Variants in CELSR2 observed in about 807,000 individuals in gnomAD.
CELSR2 encodes EGF-like protein 2.
In CELSR2, 81 loss-of-function variants were observed where a neutral mutation model predicts 251.6. The observed-to-expected ratio is 0.32, with a 90% CI of 0.27 to 0.39. The LOEUF (loss-of-function observed/expected upper bound fraction) is 0.39, where lower values mean the gene tolerates loss of function less well. CELSR2 is among the 10% of genes least tolerant of loss of function. The pLI is 1.00. For synonymous variants in CELSR2, 1,721 were observed against 1,670.5 expected (o/e 1.03, Z -0.74); for missense variants, 3,365 against 3,947.7 (o/e 0.85, Z 3.96).
Position 109,250,540 on chromosome 1 carries a change from C to T in CELSR2, c.461C>T (p.Pro154Leu), listed in dbSNP as rs1655655547. 1.2e-6 allele frequency: 2 copies of T among 1,613,834 alleles called. No individual in the cohort carries two copies. The highest frequency in any genetic ancestry group is 1.3e-5 in the African/African-American group (1 of 74,940). The change falls in exon 1 of 34, where the codon CCC becomes CTC. Residue 154 changes from proline to leucine, a missense_variant. Coordinates refer to ENST00000271332, the MANE Select transcript of CELSR2 (RefSeq NM_001408.3). The surrounding 1 kb of genome is among the most constrained non-coding windows in gnomAD (Gnocchi z 4.4). ...RCQSCKLAQA[P>L]GLRAGERSPE... Reference sequence around the variant, plus strand: ...CAGTCCTGCAAGCTGGCACAGGCCCCCGGGCTCAGGGCAGGGGAAAGGTCA... The same window carrying T: ...CAGTCCTGCAAGCTGGCACAGGCCCTCGGGCTCAGGGCAGGGGAAAGGTCA...
chr1:109,269,669 C>T lies in CELSR2; in HGVS notation c.6981-25C>T, dbSNP rs1656312936. On this transcript the variant is annotated intron_variant, in intron 21 of 33. Coordinates refer to ENST00000271332, the MANE Select transcript of CELSR2 (RefSeq NM_001408.3). The surrounding 1 kb of genome is among the most constrained non-coding windows in gnomAD (Gnocchi z 6.4). ...CCTGCATGCCTCACCCTCCTTGTCT[C>T]CCTGACCCTGCCTTCCTCACACAGG... The T allele has an allele frequency of 5.6e-6, 9 of 1,614,082 alleles. No individual in the cohort carries two copies. The highest frequency in any genetic ancestry group is 7.6e-6 in the Non-Finnish European group (9 of 1,179,978).
intron 28 of CELSR2, among the ~76,000 whole-genome samples, chr1:109,272,001 A>G (rs1656384284): frequency 1.3e-5 from 2 of 152,162 alleles, no homozygotes; most frequent in Middle Eastern, 3.2e-3. Flanking sequence ...CTGTCTCCCA[A>G]GGTGCTCTCA....
chr1:109,263,039 G>T, intron 7 of CELSR2, 70 bp downstream of exon 7: 1 of 1,589,148 alleles, frequency 6.3e-7, no homozygotes, highest in South Asian at 1.1e-5. Flanking sequence ...CTGGTGTGAG[G>T]ATGCCAGAAT....
chr1:109,250,351 G>A lies in CELSR2; in HGVS notation c.272G>A (p.Arg91Lys), dbSNP rs112983744. The change falls in exon 1 of 34, where the codon AGG (arginine) becomes AAG (lysine). Residue 91 changes from arginine to lysine, a missense_variant. By Grantham distance (26) the Arg-to-Lys change is conservative (BLOSUM62 2). Coordinates refer to ENST00000271332, the MANE Select transcript of CELSR2 (RefSeq NM_001408.3). The surrounding 1 kb of genome is among the most constrained non-coding windows in gnomAD (Gnocchi z 4.4). ...GHLVPHHDGLRVWCPESEAHI... is the reference protein window; with the variant it reads ...GHLVPHHDGLKVWCPESEAHI... ...CTGGTACCCCACCACGATGGCCTGA[G>A]GGTTTGGTGTCCAGAATCCGAGGCC... 1.6e-3 allele frequency: 2,614 copies of A among 1,613,482 alleles called. 30 individuals carry two copies. In the African/African-American group the frequency reaches 0.031, roughly 19 times the overall value.
Position 109,271,217 on chromosome 1 carries a change from A to G in CELSR2, c.7597A>G (p.Met2533Val), listed in dbSNP as rs899190908. 6.2e-7 allele frequency: 1 copy of G among 1,613,732 alleles called. No individual in the cohort carries two copies. The highest frequency in any genetic ancestry group is 8.5e-7 in the Non-Finnish European group (1 of 1,179,876). ...FAGPVAFAVS[M>V]SVFLYILAAR... ...CCCCATGCCCTCTGCCCCTGCCTAG[A>G]TGAGTGTCTTCCTGTACATCCTGGC... The change falls in exon 26 of 34, where the codon ATG becomes GTG. Residue 2533 changes from methionine to valine, a missense_variant and splice_region_variant. Around this residue, in one of 5 missense-constraint regions of CELSR2, gnomAD observed 2,093 missense variants for 2,382.8 expected, o/e 0.88. Transcript: ENST00000271332.
chr1:109,254,620 G>A (rs1473261344), intron 1 of CELSR2, among the ~76,000 whole-genome samples: 1 of 152,132 alleles, frequency 6.6e-6, no homozygotes, highest in African/African-American at 2.4e-5. Flanking sequence ...AATCCATCAG[G>A]GAAGGGAGGA....
chr1:109,271,218 T>A lies in CELSR2; in HGVS notation c.7598T>A (p.Met2533Lys). The stretch of plus-strand genomic sequence containing the variant: ...CCCATGCCCTCTGCCCCTGCCTAGA[T>A]GAGTGTCTTCCTGTACATCCTGGCG... ...FAGPVAFAVS[M>K]SVFLYILAAR... The change falls in exon 26 of 34, where the codon ATG (methionine) becomes AAG (lysine). Residue 2533 changes from methionine (M) to lysine (K), a missense_variant and splice_region_variant. By Grantham distance (95) the Met-to-Lys change is moderately conservative. Around this residue, in one of 5 missense-constraint regions of CELSR2, gnomAD observed 2,093 missense variants for 2,382.8 expected, o/e 0.88. Transcript: ENST00000271332. 6.2e-7 allele frequency: 1 copy of A among 1,613,918 alleles called. No homozygotes were observed. Among genetic ancestry groups the A allele is most frequent in the East Asian group, 2.2e-5 (1 of 44,876 alleles).
In CELSR2 at chr1:109,270,665, C is replaced by T. The variant is rs1032143693; in HGVS notation, c.7483+65C>T. 333 of 1,560,008 alleles carry T rather than the reference C, an allele frequency of 2.1e-4. No individual in the cohort carries two copies. In the Admixed American group the frequency reaches 2.3e-3, roughly 11 times the overall value. The stretch of plus-strand genomic sequence containing the variant: ...TGGGTCCACCTTTGTGCCATGTTCT[C>T]TCCACCCACATACAGGCCCTGAGGC... On this transcript the variant is annotated intron_variant, in intron 24 of 33. Coordinates refer to ENST00000271332, the MANE Select transcript of CELSR2 (RefSeq NM_001408.3).
Position 109,273,422 on chromosome 1 carries a change from GC to G in CELSR2, c.8510-10del. 1 of 1,609,198 alleles carries G rather than the reference GC, an allele frequency of 6.2e-7. No homozygotes were observed. The highest frequency in any genetic ancestry group is 8.5e-7 in the Non-Finnish European group (1 of 1,177,892). ...TCCTGTGGCCGCACCTCACAGCCCC[GC>G]CCCGGCCCACAGGCATCCTTAAGAA... On this transcript the variant is annotated splice_polypyrimidine_tract_variant and intron_variant, in intron 32 of 33. Coordinates refer to ENST00000271332, the MANE Select transcript of CELSR2 (RefSeq NM_001408.3).
chr1:109,261,986 G>T lies in CELSR2; in HGVS notation c.4386+90G>T. ...AGTGGCATTGCCTCCAGGCTTGGGT[G>T]GGCTGGTCAGGGCATTTCTGGCTGA... is the stretch of plus-strand genomic sequence containing the variant. On this transcript the variant is annotated intron_variant, in intron 5 of 33. Coordinates refer to ENST00000271332, the MANE Select transcript of CELSR2 (RefSeq NM_001408.3). This position sits in a 1 kb window ranked among gnomAD's most constrained non-coding sequence, Gnocchi z 4.8. 1 of 1,339,092 alleles carries T rather than the reference G, an allele frequency of 7.5e-7. No individual in the cohort carries two copies. Among genetic ancestry groups the T allele is most frequent in the Non-Finnish European group, 1.0e-6 (1 of 956,516 alleles). 83.0% of individuals were successfully genotyped at this position (1,339,092 alleles called of 1,614,324 possible). A position where few individuals can be genotyped will look rare whatever the true frequency, so the allele number is the denominator to read the frequency against.
intron 1 of CELSR2, among the ~76,000 whole-genome samples, chr1:109,256,521 C>T (rs992833367): frequency 2.6e-5 from 4 of 152,196 alleles, no homozygotes; most frequent in African/African-American, 9.7e-5. Context: ...AACACAGATG[C>T]AGAATTTGTT....
In CELSR2 at chr1:109,258,481, C is replaced by T. The variant is rs191289684; in HGVS notation, c.3360C>T (p.Ile1120=). The T allele has an allele frequency of 3.2e-5, 51 of 1,605,176 alleles. No individual in the cohort carries two copies. In the East Asian group the frequency reaches 9.7e-4, roughly 30 times the overall value. ...AGTGCGCGCTGCGTGTGACCATCAT[C>T]ACCGATGAGATGCTCACCCACAGCA... ...TAQCALRVTI[I]TDEMLTHSIT... Residue 1120 remains isoleucine, a synonymous_variant, in exon 2 of 34, where the codon ATC becomes ATT. Transcript: ENST00000271332.
At chr1:109,270,218 C>G in intron 23 of CELSR2, 85 bp downstream of exon 23, 1 of 1,449,374 alleles carries the variant, frequency 6.9e-7, no homozygotes, top group Non-Finnish European at 9.6e-7. Context: ...GCTCCTGCAC[C>G]ATGAACTCTA....
intron 13 of CELSR2, among the ~76,000 whole-genome samples, 186 bp from the exon 14 acceptor site, chr1:109,265,549 C>T (rs1239202902): frequency 6.6e-6 from 1 of 152,206 alleles, no homozygotes; most frequent in Non-Finnish European, 1.5e-5. Flanking sequence ...GCAGCCTGTT[C>T]TGATTCTGTG....
At chr1:109,253,907 C>T (rs936037585) in intron 1 of CELSR2, among the ~76,000 whole-genome samples, 2 of 152,364 alleles carry the variant, frequency 1.3e-5, no homozygotes, top group East Asian at 3.9e-4. Context: ...TCTTCTGGCC[C>T]CTTTTGCCTC....
At chr1:109,273,955 C>T (rs776518939) in intron 33 of CELSR2, 67 bp from the exon 34 acceptor site, 1 of 1,581,462 alleles carries the variant, frequency 6.3e-7, no homozygotes, top group South Asian at 1.1e-5. Flanking sequence ...AAAGCTTTCA[C>T]TCTCTCCTCT....
rs746424093 is a variant in CELSR2, at chr1:109,251,966, G to A, written c.1887G>A (p.Val629=). 1.9e-6 allele frequency: 3 copies of A among 1,614,122 alleles called. No homozygotes were observed. In the South Asian group the frequency reaches 3.3e-5, roughly 18 times the overall value. Residue 629 remains valine (V), a synonymous_variant, in exon 1 of 34, where the codon GTG becomes GTA. Coordinates refer to ENST00000271332, the MANE Select transcript of CELSR2 (RefSeq NM_001408.3). The surrounding 1 kb of genome is among the most constrained non-coding windows in gnomAD (Gnocchi z 4.9). ...AGGATGCAGCTGTGGGCACCAGCGTGGTGACGGTGTCAGCTGTGGACCGTG... is the reference window on the plus strand; with the variant it reads ...AGGATGCAGCTGTGGGCACCAGCGTAGTGACGGTGTCAGCTGTGGACCGTG... ...LNEDAAVGTS[V]VTVSAVDRDA... is the part of the protein sequence containing the mutation.
Position 109,264,454 on chromosome 1 carries a change from G to C in CELSR2, c.5290G>C (p.Gly1764Arg), listed in dbSNP as rs1458663629. ...GCAACACTGCTCCTGTCCCTCCCAG[G>C]GTGTGCGGGTGAGCGATACGCCGGA... Reference protein sequence around the residue: ...VARGFRGCLQGVRVSDTPEGV... With the variant: ...VARGFRGCLQRVRVSDTPEGV... The change falls in exon 11 of 34, where the codon GGT becomes CGT. Residue 1764 changes from glycine to arginine, a missense_variant and splice_region_variant. Gly to Arg is a moderately radical substitution (Grantham distance 125, BLOSUM62 -2). Coordinates refer to ENST00000271332, the MANE Select transcript of CELSR2 (RefSeq NM_001408.3). The C allele has an allele frequency of 6.2e-7, 1 of 1,611,672 alleles. No individual in the cohort carries two copies. The highest frequency in any genetic ancestry group is 1.3e-5 in the African/African-American group (1 of 74,882).
chr1:109,273,542 GGGCAGCCGGGGA>G lies in CELSR2; in HGVS notation c.8620_8631del (p.Ser2874_Gly2877del). 6.3e-7 allele frequency: 1 copy of G among 1,580,294 alleles called. No homozygotes were observed. The highest frequency in any genetic ancestry group is 1.7e-4 in the Middle Eastern group (1 of 5,960). ...CTTCCCGGGGCTCCTCCGCTAGTGA[GGGCAGCCGGGGA>G]GGCCCCCCTCCCCGCCCACCGCCCC... On this transcript the variant is annotated inframe_deletion, in exon 33 of 34. Transcript: ENST00000271332.
Sources: gnomAD v4.1 joint callset for allele counts (sites outside exome capture counted in the v4.1 genomes callset) on GRCh38, gnomAD v4.1.1 for gene constraint, gnomAD v4.1.1 regional missense constraint, Gnocchi (gnomAD v3.1) non-coding constraint, MANE v1.5 for transcripts, NCBI Gene and HGNC (gene_info 2026-07-23, HGNC 2026-07-21) for gene names.